The following GRIK3 variants were observed in gnomAD, a reference collection of about 807,000 sequenced individuals.
The protein encoded by GRIK3 is glutamate ionotropic receptor kainate type subunit 3.
Under a neutral mutation model 102.5 loss-of-function variants are expected in GRIK3, and 29 were observed. The ratio of observed to expected loss-of-function variants is 0.28; its 90% CI spans 0.21 to 0.39. GRIK3 has a LOEUF of 0.39. GRIK3 is among the 10% of genes least tolerant of loss of function. The pLI, the probability that GRIK3 is intolerant of heterozygous loss-of-function variation, is 1.00. For synonymous variants in GRIK3, 511 were observed against 504.9 expected (o/e 1.01, Z -0.16); for missense variants, 908 against 1,252.4 (o/e 0.73, Z 4.15).
At chr1:36,920,840 G>C (rs984112995) in intron 1 of GRIK3, among the ~76,000 whole-genome samples, 1 of 152,218 alleles carries the variant, frequency 6.6e-6, no homozygotes, top group African/African-American at 2.4e-5. Context: ...GCAAAAAGAG[G>C]CTCCATTTCT....
intron 1 of GRIK3, among the ~76,000 whole-genome samples, chr1:36,952,547 G>C (rs1641857344): frequency 1.3e-5 from 2 of 152,192 alleles, no homozygotes; most frequent in Admixed American, 6.5e-5. Flanking sequence ...TCCCTGACAG[G>C]GTTGGAAAAT....
intron 13 of GRIK3, among the ~76,000 whole-genome samples, chr1:36,807,715 G>A (rs1462566625): frequency 6.6e-6 from 1 of 152,126 alleles, no homozygotes; most frequent in Non-Finnish European, 1.5e-5. Context: ...AAGAGCAATG[G>A]GGACAGGAAG....
intron 1 of GRIK3, among the ~76,000 whole-genome samples, chr1:36,960,933 T>C (rs1007243640): frequency 1.3e-5 from 2 of 152,094 alleles, no homozygotes; most frequent in Admixed American, 6.5e-5. Context: ...AGAGTGCTGA[T>C]TTGGGATTCA....
At chr1:36,972,080 AT>A (rs1364915506) in intron 1 of GRIK3, among the ~76,000 whole-genome samples, 1 of 152,192 alleles carries the variant, frequency 6.6e-6, no homozygotes, top group Non-Finnish European at 1.5e-5. Flanking sequence ...GGCACTGGCA[AT>A]TTACTTAGCG....
intron 5 of GRIK3, among the ~76,000 whole-genome samples, chr1:36,867,752 C>T (rs1640800825): frequency 6.6e-6 from 1 of 152,182 alleles, no homozygotes; most frequent in African/African-American, 2.4e-5. Flanking sequence ...TTCACCCACC[C>T]TGAGTACTGC....
intron 9 of GRIK3, among the ~76,000 whole-genome samples, chr1:36,847,849 C>G (rs1640535794): frequency 6.6e-6 from 1 of 152,146 alleles, no homozygotes; most frequent in South Asian, 2.1e-4. Context: ...ACTGCATGTC[C>G]CAAAGAGCTC....
intron 1 of GRIK3, among the ~76,000 whole-genome samples, chr1:36,936,546 T>C (rs1641659353): frequency 6.6e-6 from 1 of 152,232 alleles, no homozygotes; most frequent in African/African-American, 2.4e-5. Context: ...GCTTTCCTGA[T>C]CTTGCTACAT....
chr1:36,851,711 CT>C (rs2124229074), intron 8 of GRIK3, among the ~76,000 whole-genome samples: 1 of 152,358 alleles, frequency 6.6e-6, no homozygotes, highest in East Asian at 1.9e-4. Flanking sequence ...GACCCGGTGC[CT>C]TGGTGAGTGC....
At chr1:36,826,982 C>T (rs554970384) in intron 10 of GRIK3, among the ~76,000 whole-genome samples, 2 of 152,254 alleles carry the variant, frequency 1.3e-5, no homozygotes, top group East Asian at 3.9e-4. Context: ...TCCTTCAGCC[C>T]CATGTTCTGC....
intron 1 of GRIK3, among the ~76,000 whole-genome samples, chr1:36,930,703 T>C (rs1641577826): frequency 6.6e-6 from 1 of 152,050 alleles, no homozygotes; most frequent in South Asian, 2.1e-4. Flanking sequence ...ATGGTGTGAG[T>C]GGTGCCTTTG....
At chr1:36,973,295 C>G (rs1003020216) in intron 1 of GRIK3, among the ~76,000 whole-genome samples, 1 of 152,128 alleles carries the variant, frequency 6.6e-6, no homozygotes, top group African/African-American at 2.4e-5. Flanking sequence ...AAAGTGCTTG[C>G]TATATCTGCA....
chr1:36,980,140 C>A (rs1470349206), intron 1 of GRIK3, among the ~76,000 whole-genome samples: 1 of 152,144 alleles, frequency 6.6e-6, no homozygotes, highest in Non-Finnish European at 1.5e-5. Flanking sequence ...CCATGAACCT[C>A]CAACTTGTTC....
At chr1:37,016,634 C>T (rs1642655041) in intron 1 of GRIK3, among the ~76,000 whole-genome samples, 1 of 151,866 alleles carries the variant, frequency 6.6e-6, no homozygotes, top group Non-Finnish European at 1.5e-5. Flanking sequence ...CTTAACTTTA[C>T]TGAAAGAAAA....
At chr1:36,917,194 T>A (rs1641410828) in intron 1 of GRIK3, among the ~76,000 whole-genome samples, 1 of 152,262 alleles carries the variant, frequency 6.6e-6, no homozygotes, top group Admixed American at 6.5e-5. Flanking sequence ...CCTCCTTTTT[T>A]TAAGCCAATT....
intron 1 of GRIK3, among the ~76,000 whole-genome samples, chr1:36,902,314 G>A (rs554610489): frequency 3.3e-5 from 5 of 152,220 alleles, no homozygotes; most frequent in Admixed American, 6.5e-5. Context: ...AGATCAACAC[G>A]GCTCAACTTC....
At chr1:36,816,241 G>A (rs537435891) in intron 13 of GRIK3, among the ~76,000 whole-genome samples, 36 of 152,246 alleles carry the variant, frequency 2.4e-4, no homozygotes, top group South Asian at 1.9e-3. Context: ...GAAATAATTC[G>A]AGTACCAGCC....
At chr1:36,962,285 G>A (rs2124349683) in intron 1 of GRIK3, among the ~76,000 whole-genome samples, 1 of 151,830 alleles carries the variant, frequency 6.6e-6, no homozygotes, top group East Asian at 1.9e-4. Context: ...CACAGTCCTG[G>A]GCACACAACA....
intron 1 of GRIK3, among the ~76,000 whole-genome samples, chr1:36,914,917 A>G (rs1372295044): frequency 1.3e-5 from 2 of 152,238 alleles, no homozygotes; most frequent in African/African-American, 4.8e-5. Flanking sequence ...CTGGGGAACC[A>G]ATTCATCAGC....
chr1:36,880,581 G>A lies in GRIK3; in HGVS notation c.550+53C>T. On this transcript the variant is annotated intron_variant, in intron 3 of 15. Transcript: ENST00000373091. This position sits in a 1 kb window ranked among gnomAD's most constrained non-coding sequence, Gnocchi z 5.4. The stretch of plus-strand genomic sequence containing the variant: ...CAAACAGACAAGAGCTTGATCCTGG[G>A]CCTCTGCCCCCCTCAACCGTTGCCC... The A allele has an allele frequency of 3.2e-6, 5 of 1,562,184 alleles. No homozygotes were observed. Among genetic ancestry groups the A allele is most frequent in the Non-Finnish European group, 4.4e-6 (5 of 1,136,318 alleles).
Sources: allele counts gnomAD v4.1 joint callset (sites outside exome capture counted in the v4.1 genomes callset), GRCh38; gene constraint gnomAD v4.1.1; non-coding constraint Gnocchi (gnomAD v3.1); transcripts MANE v1.5; gene names NCBI Gene and HGNC (gene_info 2026-07-23, HGNC 2026-07-21).